The following CDH18 variants were observed in gnomAD, a reference collection of about 807,000 sequenced individuals.
CDH18 encodes cadherin-18.
A neutral mutation model predicts 67.9 loss-of-function variants in CDH18; 31 were observed. The observed-to-expected ratio is 0.46, with a 90% confidence interval of 0.34 to 0.62. CDH18 has a LOEUF of 0.62. Among genes scored for constraint, CDH18 ranks in the 20% least tolerant of loss-of-function variants. The pLI is 0.01. For synonymous variants in CDH18, 362 were observed against 347.2 expected, an observed-to-expected ratio of 1.04 and a Z score of -0.48; for missense variants, 890 against 975.5, an observed-to-expected ratio of 0.91 and a Z score of 1.17.
At chr5:19,890,300 T>G (rs574109573) in intron 2 of CDH18, among the ~76,000 whole-genome samples, 18 of 152,028 alleles carry the variant, frequency 1.2e-4, no homozygotes, top group Non-Finnish European at 2.2e-4. Flanking sequence ...TTGTGATTAC[T>G]TCGGGCCCAC....
chr5:19,530,168 C>A (rs1376202995), intron 9 of CDH18, among the ~76,000 whole-genome samples: 1 of 151,964 alleles, frequency 6.6e-6, no homozygotes, highest in African/African-American at 2.4e-5. Flanking sequence ...CTAGCCATAA[C>A]AATTAATTGA....
At chr5:19,899,256 C>G (rs1362445265) in intron 2 of CDH18, among the ~76,000 whole-genome samples, 4 of 151,986 alleles carry the variant, frequency 2.6e-5, no homozygotes, top group African/African-American at 9.7e-5. Flanking sequence ...AAAAATTAGC[C>G]AGGCATAGTG....
chr5:19,800,619 A>C (rs1200689401), intron 3 of CDH18, among the ~76,000 whole-genome samples: 1 of 152,212 alleles, frequency 6.6e-6, no homozygotes, highest in Non-Finnish European at 1.5e-5. Context: ...CTATAAAATT[A>C]AAGATAAAAC....
chr5:19,782,716 A>T (rs1298143652), intron 3 of CDH18, among the ~76,000 whole-genome samples: 1 of 152,138 alleles, frequency 6.6e-6, no homozygotes, highest in Non-Finnish European at 1.5e-5. Context: ...TGTCTCCTGC[A>T]CTGTAAAATG....
chr5:20,407,637 A>C (rs1235008848), intron 1 of CDH18, among the ~76,000 whole-genome samples: 3 of 152,090 alleles, frequency 2.0e-5, no homozygotes, highest in Non-Finnish European at 4.4e-5. Context: ...AGGATTCAGT[A>C]GCAGACTAGA....
At chr5:19,713,641 G>A (rs956187166) in intron 5 of CDH18, among the ~76,000 whole-genome samples, 23 of 152,046 alleles carry the variant, frequency 1.5e-4, no homozygotes, top group Non-Finnish European at 1.5e-5. Context: ...TATCTATAGT[G>A]TCTGTAAAGT....
At chr5:20,274,009 A>C (rs1444431047) in intron 1 of CDH18, among the ~76,000 whole-genome samples, 1 of 152,170 alleles carries the variant, frequency 6.6e-6, no homozygotes, top group East Asian at 1.9e-4. Context: ...AGAGGGATAC[A>C]GGTGGAGAAA....
At chr5:19,779,220 C>G (rs983311775) in intron 3 of CDH18, among the ~76,000 whole-genome samples, 16 of 152,066 alleles carry the variant, frequency 1.1e-4, no homozygotes, top group Non-Finnish European at 2.2e-4. Context: ...ATTAAGGATT[C>G]TACAATGTGT....
At chr5:19,960,205 T>C (rs1796653141) in intron 2 of CDH18, among the ~76,000 whole-genome samples, 1 of 152,152 alleles carries the variant, frequency 6.6e-6, no homozygotes, top group Admixed American at 6.5e-5. Context: ...GTTTAATTAT[T>C]TTAAAACGTT....
chr5:19,784,425 C>T (rs1261972808), intron 3 of CDH18, among the ~76,000 whole-genome samples: 2 of 152,132 alleles, frequency 1.3e-5, no homozygotes, highest in African/African-American at 2.4e-5. Flanking sequence ...AAATTAGACT[C>T]TTAGATATGA....
chr5:19,734,914 A>C (rs1454579884), intron 4 of CDH18, among the ~76,000 whole-genome samples: 1 of 152,206 alleles, frequency 6.6e-6, no homozygotes, highest in East Asian at 1.9e-4. Flanking sequence ...AATAACAAAC[A>C]AACCCTAAAT....
At chr5:19,688,635 G>A (rs1443970169) in intron 5 of CDH18, among the ~76,000 whole-genome samples, 1 of 151,974 alleles carries the variant, frequency 6.6e-6, no homozygotes, top group East Asian at 1.9e-4. Context: ...AAATAAAAAA[G>A]CAAGGAAATA....
chr5:20,052,844 C>A (rs1741554149), intron 2 of CDH18, among the ~76,000 whole-genome samples: 1 of 152,024 alleles, frequency 6.6e-6, no homozygotes, highest in Non-Finnish European at 1.5e-5. Context: ...TACACACTAG[C>A]TAAGATACTG....
intron 3 of CDH18, among the ~76,000 whole-genome samples, chr5:19,806,342 A>G (rs752026582): frequency 6.6e-6 from 1 of 152,176 alleles, no homozygotes; most frequent in Non-Finnish European, 1.5e-5. Context: ...TCTTAATTTC[A>G]CTAATCATTG....
intron 1 of CDH18, among the ~76,000 whole-genome samples, chr5:20,565,486 A>G (rs1164159010): frequency 6.6e-6 from 1 of 152,100 alleles, no homozygotes; most frequent in Non-Finnish European, 1.5e-5. Context: ...CTCCATCTTC[A>G]TTGATATCAG....
intron 2 of CDH18, among the ~76,000 whole-genome samples, chr5:19,940,270 C>A (rs937523069): frequency 6.6e-6 from 1 of 151,478 alleles, no homozygotes; most frequent in Non-Finnish European, 1.5e-5. Context: ...ATATTTTCCA[C>A]CAAGTCAATA....
chr5:20,120,848 T>TC (rs1331553634), intron 2 of CDH18, among the ~76,000 whole-genome samples: 1 of 152,166 alleles, frequency 6.6e-6, no homozygotes, highest in Non-Finnish European at 1.5e-5. Context: ...ATTTCAACAT[T>TC]TAAGTTTCAA....
At chr5:19,475,741 C>G (rs889383445) in intron 12 of CDH18, among the ~76,000 whole-genome samples, 6 of 151,846 alleles carry the variant, frequency 4.0e-5, no homozygotes, top group African/African-American at 1.5e-4. Context: ...TCTTATTTAT[C>G]TGAAATTCAC....
intron 1 of CDH18, among the ~76,000 whole-genome samples, chr5:20,301,966 A>C (rs1735973779): frequency 6.6e-6 from 1 of 152,100 alleles, no homozygotes; most frequent in Non-Finnish European, 1.5e-5. Flanking sequence ...CTGTAATTTG[A>C]ATAATGAAGA....
Sources: gnomAD v4.1 joint callset for allele counts (sites outside exome capture counted in the v4.1 genomes callset) on GRCh38, gnomAD v4.1.1 for gene constraint, MANE v1.5 for transcripts, NCBI Gene and HGNC (gene_info 2026-07-23, HGNC 2026-07-21) for gene names.